LRRC4C: variants seen among roughly 807,000 people sequenced by gnomAD.
The protein encoded by LRRC4C is leucine-rich repeat-containing protein 4C.
Under a neutral mutation model 33.6 loss-of-function variants are expected in LRRC4C, and 5 were observed. The observed-to-expected ratio is 0.15, with a 90% CI of 0.08 to 0.31. The LOEUF (loss-of-function observed/expected upper bound fraction) is 0.31, where lower values mean the gene tolerates loss of function less well. LRRC4C is among the 10% of genes least tolerant of loss of function. The pLI is 1.00. For missense variants in LRRC4C, 560 were observed against 796.7 expected, an observed-to-expected ratio of 0.70 and a Z score of 3.58; for synonymous variants, 329 against 302.0, an observed-to-expected ratio of 1.09 and a Z score of -0.93.
At chr11:41,399,350 T>C (rs1311963601) in intron 1 of LRRC4C, among the ~76,000 whole-genome samples, 1 of 151,964 alleles carries the variant, frequency 6.6e-6, no homozygotes, top group East Asian at 1.9e-4. Context: ...TTCTTGGGAC[T>C]GACTGGTGAG....
At chr11:41,279,514 C>T (rs903693446) in intron 1 of LRRC4C, among the ~76,000 whole-genome samples, 2 of 151,914 alleles carry the variant, frequency 1.3e-5, no homozygotes, top group African/African-American at 4.8e-5. Context: ...CATAGTTACC[C>T]ATCCCTAGGT....
chr11:40,701,651 A>G (rs898700519), intron 2 of LRRC4C, among the ~76,000 whole-genome samples: 5 of 149,658 alleles, frequency 3.3e-5, no homozygotes, highest in Non-Finnish European at 5.9e-5. Flanking sequence ...TATATATAAA[A>G]CATAAAGATT....
intron 3 of LRRC4C, among the ~76,000 whole-genome samples, chr11:40,490,162 T>C (rs1461636342): frequency 6.6e-6 from 1 of 152,180 alleles, no homozygotes; most frequent in Non-Finnish European, 1.5e-5. Flanking sequence ...AAAAAAGTAG[T>C]AGTTTCTCCA....
intron 5 of LRRC4C, among the ~76,000 whole-genome samples, chr11:40,236,596 C>T (rs141602871): frequency 4.6e-5 from 7 of 152,200 alleles, no homozygotes; most frequent in South Asian, 4.1e-4. Context: ...TATAGTGTGT[C>T]GCTTCTAGGG....
At chr11:40,794,085 T>A (rs1309121973) in intron 2 of LRRC4C, among the ~76,000 whole-genome samples, 1 of 152,072 alleles carries the variant, frequency 6.6e-6, no homozygotes, top group Non-Finnish European at 1.5e-5. Context: ...AAAAATAAAC[T>A]TCCTGTTTCT....
intron 1 of LRRC4C, among the ~76,000 whole-genome samples, chr11:41,351,248 C>T (rs964151506): frequency 1.1e-5 from 1 of 88,744 alleles, no homozygotes; most frequent in Non-Finnish European, 2.6e-5. Context: ...CACACACACA[C>T]ACATACACAC....
intron 3 of LRRC4C, among the ~76,000 whole-genome samples, chr11:40,480,912 C>T (rs1787999301): frequency 6.6e-6 from 1 of 151,838 alleles, no homozygotes. Flanking sequence ...AAGAATGGTG[C>T]TTTTCAGGGC....
intron 5 of LRRC4C, among the ~76,000 whole-genome samples, chr11:40,151,792 A>C (rs80224706): frequency 0.017 from 2,628 of 152,312 alleles, 78 homozygotes; most frequent in African/African-American, 0.059. Flanking sequence ...ATTCTGTGAC[A>C]TTAGGCTATT....
At chr11:41,436,944 C>T (rs987522619) in intron 1 of LRRC4C, among the ~76,000 whole-genome samples, 5 of 152,090 alleles carry the variant, frequency 3.3e-5, no homozygotes, top group South Asian at 2.1e-4. Context: ...ATCCAATAAA[C>T]GTGATAAATC....
At chr11:40,713,800 A>G (rs1312841426) in intron 2 of LRRC4C, among the ~76,000 whole-genome samples, 1 of 152,196 alleles carries the variant, frequency 6.6e-6, no homozygotes, top group Non-Finnish European at 1.5e-5. Context: ...ACTGTAATTT[A>G]TGTTTCACCC....
At chr11:40,545,219 C>T (rs916097684) in intron 3 of LRRC4C, among the ~76,000 whole-genome samples, 23 of 152,058 alleles carry the variant, frequency 1.5e-4, no homozygotes, top group Middle Eastern at 3.4e-3. Context: ...AATATCTGCT[C>T]TTCCTTCCCC....
intron 1 of LRRC4C, among the ~76,000 whole-genome samples, chr11:41,037,571 C>G (rs931929073): frequency 7.1e-6 from 1 of 139,872 alleles, no homozygotes. Flanking sequence ...ACTTCTTTTC[C>G]TTTCACACAC....
chr11:40,246,110 A>G (rs903988344), intron 4 of LRRC4C, among the ~76,000 whole-genome samples: 1 of 151,612 alleles, frequency 6.6e-6, no homozygotes, highest in African/African-American at 2.4e-5. Context: ...AGTAGCTGGG[A>G]CTACAGGTGT....
intron 2 of LRRC4C, among the ~76,000 whole-genome samples, chr11:40,824,986 A>C (rs1459206871): frequency 6.6e-6 from 1 of 151,940 alleles, no homozygotes; most frequent in Non-Finnish European, 1.5e-5. Context: ...CATTACAGAG[A>C]CCATAATGGC....
At chr11:41,355,634 C>T (rs1952134224) in intron 1 of LRRC4C, among the ~76,000 whole-genome samples, 1 of 151,940 alleles carries the variant, frequency 6.6e-6, no homozygotes, top group Admixed American at 6.6e-5. Context: ...TTGTTGTTAA[C>T]TCTTTTTTTC....
chr11:40,495,813 GTTTTTTTTTTTTTTTTTTTTTT>G (rs77683172), intron 3 of LRRC4C, among the ~76,000 whole-genome samples: 7 of 67,014 alleles, frequency 1.0e-4, no homozygotes, highest in African/African-American at 3.2e-4. Context: ...CAATAAACAT[GTTTTTTTTTTTTTTTTTTTTTT>G]TTTTTTTTTT....
intron 3 of LRRC4C, among the ~76,000 whole-genome samples, chr11:40,596,079 T>C (rs926396620): frequency 2.0e-5 from 3 of 152,046 alleles, no homozygotes; most frequent in African/African-American, 7.2e-5. Flanking sequence ...GAGAGGACCA[T>C]TGATATAGGA....
intron 3 of LRRC4C, among the ~76,000 whole-genome samples, chr11:40,422,677 G>A (rs1435232082): frequency 2.8e-5 from 4 of 144,766 alleles, no homozygotes; most frequent in East Asian, 4.1e-4. Flanking sequence ...ACTTAAGCCC[G>A]TTATACTCAT....
At chr11:41,379,756 A>T (rs1207779101) in intron 1 of LRRC4C, among the ~76,000 whole-genome samples, 1 of 152,082 alleles carries the variant, frequency 6.6e-6, no homozygotes, top group African/African-American at 2.4e-5. Context: ...GGGGTAAAAA[A>T]AGGGCAGAAT....
Sources: allele counts gnomAD v4.1 joint callset (sites outside exome capture counted in the v4.1 genomes callset), GRCh38; gene constraint gnomAD v4.1.1; transcripts MANE v1.5; gene names NCBI Gene and HGNC (gene_info 2026-07-23, HGNC 2026-07-21).